RECQL5: variants seen among roughly 807,000 people sequenced by gnomAD.
RECQL5 encodes ATP-dependent DNA helicase Q5.
Under a neutral mutation model 103.4 loss-of-function variants are expected in RECQL5, and 88 were observed. The observed-to-expected ratio is 0.85, with a 90% CI of 0.72 to 1.02. The LOEUF (loss-of-function observed/expected upper bound fraction) is 1.02. RECQL5 is among the 50% of genes least tolerant of loss of function. The probability of loss-of-function intolerance (pLI) is 0.00; values close to 1 mark genes in which losing one functional copy is unlikely to be tolerated. For synonymous variants in RECQL5, 552 were observed against 507.9 expected, an observed-to-expected ratio of 1.09 and a Z score of -1.17; for missense variants, 1,232 against 1,284.3, an observed-to-expected ratio of 0.96 and a Z score of 0.62.
rs778072609 is a variant in RECQL5 at position 75,630,603 on chromosome 17, T to C, written c.1718+16A>G. 1.9e-6 allele frequency: 3 copies of C among 1,613,154 alleles called. No homozygotes were observed. The highest frequency in any genetic ancestry group is 2.2e-5 in the East Asian group (1 of 44,882). Reference sequence around the variant, plus strand: ...GAGCTTGGAGTGCTCCTCAGCCCAGTGATCGTGGAACTCACTCATCAGCGG... The same window carrying C: ...GAGCTTGGAGTGCTCCTCAGCCCAGCGATCGTGGAACTCACTCATCAGCGG... On this transcript the variant is annotated intron_variant, in intron 13 of 19. Transcript: ENST00000317905.
chr17:75,642,735 T>C (rs1599023444), intron 8 of RECQL5, among the ~76,000 whole-genome samples: 1 of 152,308 alleles, frequency 6.6e-6, no homozygotes, highest in East Asian at 1.9e-4. Flanking sequence ...ATAAACTCAA[T>C]TACTCATCAC....
intron 6 of RECQL5, among the ~76,000 whole-genome samples, chr17:75,659,982 G>C (rs2059677940): frequency 6.6e-6 from 1 of 152,166 alleles, no homozygotes; most frequent in South Asian, 2.1e-4. Context: ...TAAGAGCCTT[G>C]CCTTTGACCT....
intron 11 of RECQL5, 32 bp downstream of exon 11, chr17:75,630,942 C>T (rs201530754): frequency 6.2e-7 from 1 of 1,611,418 alleles, no homozygotes; most frequent in African/African-American, 1.3e-5. Context: ...CGGGAAGAGC[C>T]CACAAGCCTC....
chr17:75,647,490 C>A (rs754768969), intron 8 of RECQL5: 2 of 1,550,382 alleles, frequency 1.3e-6, no homozygotes, highest in Admixed American at 3.9e-5. Context: ...TCCTGCTTCT[C>A]ATCTTATTTG....
Position 75,627,234 on chromosome 17 carries a change from C to A in RECQL5, c.*188G>T, listed in dbSNP as rs820189. On this transcript the variant is annotated 3_prime_UTR_variant, in exon 20 of 20. Transcript: ENST00000317905. The stretch of plus-strand genomic sequence containing the variant: ...GAGAAGGGTCTATAGGCTTTGCAAG[C>A]AGAAAGAAAGGTGGGCTGACCTCTG... 4.5e-6 allele frequency: 3 copies of A among 671,306 alleles called. No individual in the cohort carries two copies. Among genetic ancestry groups the A allele is most frequent in the Admixed American group, 2.2e-5 (1 of 45,814 alleles). 41.6% of individuals were successfully genotyped at this position (671,306 alleles called of 1,614,324 possible).
At chr17:75,647,236 T>C (rs2059499300) in intron 8 of RECQL5, 5 of 679,958 alleles carry the variant, frequency 7.4e-6, no homozygotes, top group Non-Finnish European at 1.2e-5. Context: ...AGCCCTTTCA[T>C]GTCCCCTGGC....
intron 8 of RECQL5, chr17:75,634,050 A>C (rs2059272377): frequency 5.1e-6 from 5 of 985,566 alleles, no homozygotes; most frequent in Middle Eastern, 5.2e-4. Context: ...CAACAACAAA[A>C]AAGCCAGGCA....
At chr17:75,660,876 G>A (rs185693684) in intron 6 of RECQL5, 79 bp downstream of exon 6, 8 of 1,028,490 alleles carry the variant, frequency 7.8e-6, no homozygotes, top group Non-Finnish European at 1.2e-5. Flanking sequence ...ACATGCACCT[G>A]GTCCTTTGGG....
intron 6 of RECQL5, among the ~76,000 whole-genome samples, chr17:75,659,691 G>A (rs1371656885): frequency 1.3e-5 from 2 of 152,174 alleles, no homozygotes; most frequent in African/African-American, 2.4e-5. Context: ...TGAAGTCGGT[G>A]TTCTTTCAAA....
rs11651272 is a variant in RECQL5 at position 75,630,609 on chromosome 17, T to G, written c.1718+10A>C. On this transcript the variant is annotated intron_variant, in intron 13 of 19. Transcript: ENST00000317905. ...GGAGTGCTCCTCAGCCCAGTGATCG[T>G]GGAACTCACTCATCAGCGGTACGTG... 6.2e-7 allele frequency: 1 copy of G among 1,613,286 alleles called. No homozygotes were observed. The highest frequency in any genetic ancestry group is 8.5e-7 in the Non-Finnish European group (1 of 1,179,566).
chr17:75,647,644 G>T, intron 8 of RECQL5: 2 of 1,404,292 alleles, frequency 1.4e-6, no homozygotes, highest in Non-Finnish European at 1.9e-6. Context: ...CCCCTTCGCG[G>T]TTCCCTCTGG....
intron 7 of RECQL5, among the ~76,000 whole-genome samples, chr17:75,655,317 C>T (rs907669877): frequency 6.6e-6 from 1 of 151,596 alleles, no homozygotes; most frequent in South Asian, 2.1e-4. Flanking sequence ...GTGATCCGCT[C>T]GCCTTGGCCT....
intron 8 of RECQL5, chr17:75,635,861 G>A (rs2059311732): frequency 1.0e-6 from 1 of 985,364 alleles, no homozygotes; most frequent in African/African-American, 1.7e-5. Context: ...TGAGGCGCCT[G>A]GGGTTGGAGT....
Position 75,627,638 on chromosome 17 carries a change from A to G in RECQL5, c.2860T>C (p.Ser954Pro). ...HLSHLLTQKT[S>P]PGRSVKEEAQ... ...CAGCGCTCACCGCTCCTTCCAGGAGAGGTCTTCTGAGTCAGCAAGTGTGAG... is the reference window on the plus strand; with the variant it reads ...CAGCGCTCACCGCTCCTTCCAGGAGGGGTCTTCTGAGTCAGCAAGTGTGAG... The change falls in exon 19 of 20, where the codon TCT becomes CCT. Residue 954 changes from serine to proline, a missense_variant. By Grantham distance (74) the Ser-to-Pro change is moderately conservative. Transcript: ENST00000317905. The G allele has an allele frequency of 6.2e-7, 1 of 1,612,680 alleles. No homozygotes were observed. The highest frequency in any genetic ancestry group is 1.1e-5 in the South Asian group (1 of 90,916).
chr17:75,629,530 C>T lies in RECQL5; in HGVS notation c.1948-55G>A, dbSNP rs1598980205. On this transcript the variant is annotated intron_variant, in intron 15 of 19. Coordinates refer to ENST00000317905, the MANE Select transcript of RECQL5 (RefSeq NM_004259.7). ...TCAGCCCACTAGGCCCCCTTGAGGG[C>T]ACCGCTGGCTGGAGCAGTAACTCAC... 2.0e-6 allele frequency: 3 copies of T among 1,498,966 alleles called. No homozygotes were observed. The East Asian group carries it at 6.9e-5, about 35-fold the overall frequency. 92.9% of individuals were successfully genotyped at this position (1,498,966 alleles called of 1,614,324 possible). A position where few individuals can be genotyped will look rare whatever the true frequency, so the allele number is the denominator to read the frequency against.
At chr17:75,634,672 T>G (rs2059285788) in intron 8 of RECQL5, among the ~76,000 whole-genome samples, 3 of 152,224 alleles carry the variant, frequency 2.0e-5, no homozygotes, top group South Asian at 4.1e-4. Context: ...TCTGCCCATC[T>G]GTGTCCTTTC....
chr17:75,639,916 G>A (rs918709759), intron 8 of RECQL5: 5 of 346,338 alleles, frequency 1.4e-5, no homozygotes, highest in East Asian at 5.1e-5. Context: ...ACCACCAGCC[G>A]CCGCCTTGGC....
chr17:75,664,126 G>A (rs924029142), intron 3 of RECQL5, among the ~76,000 whole-genome samples: 1 of 151,718 alleles, frequency 6.6e-6, no homozygotes, highest in African/African-American at 2.4e-5. Flanking sequence ...CTGGGACCTG[G>A]TGAACATTCA....
rs1031415891 is a variant in RECQL5 at position 75,628,983 on chromosome 17, G to A, written c.2440C>T (p.His814Tyr). ...YTGEEDGAGG[H>Y]SPAPPQTEEC... The stretch of plus-strand genomic sequence containing the variant: ...TCAGTCTGGGGAGGGGCAGGCGAAT[G>A]TCCCCCGGCTCCATCTTCCTCCCCT... Residue 814 changes from histidine to tyrosine, a missense_variant, in exon 16 of 20, where the codon CAT becomes TAT. By Grantham distance (83) the His-to-Tyr change is moderately conservative. Transcript: ENST00000317905. The A allele has an allele frequency of 1.2e-5, 19 of 1,563,260 alleles. No individual in the cohort carries two copies. The highest frequency in any genetic ancestry group is 1.5e-5 in the Non-Finnish European group (17 of 1,157,824).
Sources: gnomAD v4.1 joint callset for allele counts (sites outside exome capture counted in the v4.1 genomes callset) on GRCh38, gnomAD v4.1.1 for gene constraint, MANE v1.5 for transcripts, NCBI Gene and HGNC (gene_info 2026-07-23, HGNC 2026-07-21) for gene names.